CYTH3: variants seen among roughly 807,000 people sequenced by gnomAD.
CYTH3 encodes cytohesin 3.
CYTH3 carries 23 observed loss-of-function variants against 55.1 expected under a neutral mutation model. That is an observed-to-expected ratio of 0.42 (90% CI 0.30 to 0.59). CYTH3 has a LOEUF of 0.59. Among genes scored for constraint, CYTH3 ranks in the 20% least tolerant of loss-of-function variants. The pLI, the probability that CYTH3 is intolerant of heterozygous loss-of-function variation, is 0.20. For missense variants in CYTH3, 413 were observed against 524.8 expected, an observed-to-expected ratio of 0.79 and a Z score of 2.08; for synonymous variants, 249 against 194.9, an observed-to-expected ratio of 1.28 and a Z score of -2.31.
intron 1 of CYTH3, among the ~76,000 whole-genome samples, chr7:6,271,389 G>C (rs1429083662): frequency 1.3e-5 from 2 of 152,210 alleles, no homozygotes; most frequent in Admixed American, 1.3e-4. Flanking sequence ...AGCTGCACCG[G>C]CAGCCTGTAA....
chr7:6,187,152 T>G (rs896409264), intron 3 of CYTH3, 36 bp from the exon 4 acceptor site: 1 of 1,598,982 alleles, frequency 6.3e-7, no homozygotes, highest in Non-Finnish European at 8.6e-7. Context: ...TCACTCATGC[T>G]GTTTTCACAA....
chr7:6,197,928 C>T (rs1231031861), intron 1 of CYTH3, among the ~76,000 whole-genome samples: 1 of 151,836 alleles, frequency 6.6e-6, no homozygotes, highest in African/African-American at 2.4e-5. Flanking sequence ...TCTGTCTCTA[C>T]AAAAAACAGA....
chr7:6,164,585 G>GA lies in CYTH3; in HGVS notation c.*358dup. On this transcript the variant is annotated 3_prime_UTR_variant, in exon 13 of 13. Coordinates refer to ENST00000350796, the MANE Select transcript of CYTH3 (RefSeq NM_004227.4). The stretch of plus-strand genomic sequence containing the variant: ...TGGAATCCGTCCCGTGTCTGCTGTG[G>GA]AGACAGCGGAAGCTGCTGTCCTGGC... 1 of 306,932 alleles carries GA rather than the reference G, an allele frequency of 3.3e-6. No individual in the cohort carries two copies. Among genetic ancestry groups the GA allele is most frequent in the Non-Finnish European group, 6.2e-6 (1 of 162,336 alleles). The allele number at this position is 306,932 out of a possible 1,614,324, so 19.0% of individuals were successfully genotyped here.
intron 3 of CYTH3, 46 bp from the exon 4 acceptor site, chr7:6,187,162 A>G (rs764421781): frequency 3.8e-6 from 6 of 1,582,348 alleles, no homozygotes; most frequent in Non-Finnish European, 4.3e-6. Flanking sequence ...TGTTTTCACA[A>G]TGCAGCCCAG....
intron 4 of CYTH3, among the ~76,000 whole-genome samples, chr7:6,184,199 T>C (rs1187678999): frequency 6.6e-6 from 1 of 151,792 alleles, no homozygotes; most frequent in Non-Finnish European, 1.5e-5. Flanking sequence ...TAGCTGGGAC[T>C]ACAGGCGCCC....
intron 1 of CYTH3, among the ~76,000 whole-genome samples, chr7:6,190,954 G>C (rs1223910749): frequency 6.6e-6 from 1 of 151,940 alleles, no homozygotes; most frequent in Non-Finnish European, 1.5e-5. Context: ...ACGCATGCCT[G>C]TAATCTCAGC....
intron 1 of CYTH3, among the ~76,000 whole-genome samples, chr7:6,267,557 G>A (rs978635575): frequency 6.6e-6 from 1 of 152,084 alleles, no homozygotes; most frequent in African/African-American, 2.4e-5. Context: ...TTTTGAGACC[G>A]AGTCTCACTC....
chr7:6,183,941 A>G (rs1783570601), intron 4 of CYTH3, among the ~76,000 whole-genome samples: 1 of 151,520 alleles, frequency 6.6e-6, no homozygotes, highest in Non-Finnish European at 1.5e-5. Flanking sequence ...GCAAGCCAGG[A>G]AGAGAGCCCT....
chr7:6,165,791 C>A lies in CYTH3; in HGVS notation c.843G>T (p.Trp281Cys). Reference protein sequence around the residue: ...LLKLGGRVKTWKRRWFILTDN... With the variant: ...LLKLGGRVKTCKRRWFILTDN... ...CGGTCAGGATGAACCACCGGCGCTT[C>A]CAGGTCTTCACACGCCCTCCTAGAA... The change falls in exon 10 of 13, where the codon TGG (tryptophan) becomes TGT (cysteine). Residue 281 changes from tryptophan to cysteine, a missense_variant. This residue lies in a region of CYTH3 where 156 missense variants were observed against 233.1 expected (regional missense o/e 0.67). Transcript: ENST00000350796. 1 of 1,614,124 alleles carries A rather than the reference C, an allele frequency of 6.2e-7. No individual in the cohort carries two copies. The highest frequency in any genetic ancestry group is 8.5e-7 in the Non-Finnish European group (1 of 1,180,006).
intron 1 of CYTH3, among the ~76,000 whole-genome samples, chr7:6,215,179 T>A (rs192786813): frequency 1.2e-4 from 18 of 152,224 alleles, no homozygotes; most frequent in Non-Finnish European, 2.4e-4. Flanking sequence ...CGCAGCTGAG[T>A]AACACCAGAA....
chr7:6,239,330 G>A (rs772618048), intron 1 of CYTH3, among the ~76,000 whole-genome samples: 5 of 152,144 alleles, frequency 3.3e-5, no homozygotes, highest in Non-Finnish European at 7.3e-5. Context: ...GCCCACCACT[G>A]CCCCGTCTCC....
intron 4 of CYTH3, among the ~76,000 whole-genome samples, chr7:6,182,580 C>T (rs759213630): frequency 8.5e-5 from 13 of 152,222 alleles, no homozygotes; most frequent in Non-Finnish European, 5.9e-5. Flanking sequence ...AATCACATTT[C>T]ATTGTAGCCT....
intron 1 of CYTH3, among the ~76,000 whole-genome samples, chr7:6,195,389 A>C (rs763574987): frequency 4.6e-5 from 7 of 152,162 alleles, no homozygotes; most frequent in Non-Finnish European, 8.8e-5. Flanking sequence ...ATTAACATAA[A>C]ATTTTTAATT....
At chr7:6,254,584 G>C (rs150751516) in intron 1 of CYTH3, among the ~76,000 whole-genome samples, 1 of 152,228 alleles carries the variant, frequency 6.6e-6, no homozygotes, top group Non-Finnish European at 1.5e-5. Context: ...AAGAAGCTGG[G>C]ATTACAGGCG....
intron 1 of CYTH3, among the ~76,000 whole-genome samples, chr7:6,248,612 G>C (rs1414639493): frequency 6.6e-6 from 1 of 152,186 alleles, no homozygotes; most frequent in East Asian, 1.9e-4. Flanking sequence ...TGGCCTCCCA[G>C]TTCAGCTGCT....
Position 6,187,683 on chromosome 7 carries a change from G to A in CYTH3, c.156C>T (p.Ile52=), listed in dbSNP as rs181004621. 1.1e-4 allele frequency: 184 copies of A among 1,613,994 alleles called. 1 individual carries two copies. In the East Asian group the frequency reaches 3.7e-3, roughly 32 times the overall value. The change falls in exon 3 of 13, where the codon ATC becomes ATT. Residue 52 remains isoleucine (I), a synonymous_variant. Transcript: ENST00000350796. ...KYEIAEVMTE[I]DNLTSVEESK... is the part of the protein sequence containing the mutation. ...TCTCCTCTACGGAAGTTAGATTGTC[G>A]ATCTCTGTCATCACCTCTGCAATTT...
intron 1 of CYTH3, among the ~76,000 whole-genome samples, chr7:6,203,624 T>C (rs7456581): frequency 0.33 from 50,482 of 152,066 alleles, 14,369 homozygotes; most frequent in East Asian, 0.77. Context: ...TAGAAAAACA[T>C]AAATATCAAC....
intron 5 of CYTH3, among the ~76,000 whole-genome samples, 184 bp downstream of exon 5, chr7:6,177,639 G>A (rs1244595519): frequency 6.6e-6 from 1 of 152,234 alleles, no homozygotes; most frequent in African/African-American, 2.4e-5. Context: ...CTCCTCCCAT[G>A]GACACGGGAG....
intron 1 of CYTH3, among the ~76,000 whole-genome samples, chr7:6,235,525 T>C (rs1219183212): frequency 1.3e-5 from 2 of 149,512 alleles, no homozygotes; most frequent in Non-Finnish European, 3.0e-5. Context: ...GCACCACATC[T>C]CAGCCAGTTA....
Sources: gnomAD v4.1 joint callset for allele counts (sites outside exome capture counted in the v4.1 genomes callset) on GRCh38, gnomAD v4.1.1 for gene constraint, gnomAD v4.1.1 regional missense constraint, MANE v1.5 for transcripts, NCBI Gene and HGNC (gene_info 2026-07-23, HGNC 2026-07-21) for gene names.